OR2J2: variants seen among roughly 807,000 people sequenced by gnomAD.
The protein encoded by OR2J2 is olfactory receptor 2J2.
In OR2J2, 13 loss-of-function variants were observed where a neutral mutation model predicts 16.9. The observed-to-expected ratio is 0.77, with a 90% confidence interval of 0.50 to 1.23. The LOEUF (loss-of-function observed/expected upper bound fraction) is 1.23. OR2J2 is among the 50% of genes most tolerant of loss of function. The probability of loss-of-function intolerance (pLI) is 0.00; values close to 1 mark genes in which losing one functional copy is unlikely to be tolerated. For synonymous variants in OR2J2, 125 were observed against 141.2 expected, an observed-to-expected ratio of 0.89 and a Z score of 0.81; for missense variants, 341 against 379.1, an observed-to-expected ratio of 0.90 and a Z score of 0.84.
Position 29,174,474 on chromosome 6 carries a change from C to T in OR2J2, c.839C>T (p.Thr280Ile). Residue 280 changes from threonine (T) to isoleucine (I), a missense_variant, in exon 2 of 2, where the codon ACT becomes ATT. Physicochemically the swap from Thr to Ile is moderately conservative, Grantham distance 89. Coordinates refer to ENST00000641417, the MANE Select transcript of OR2J2 (RefSeq NM_030905.3). ...GGCAAGTTCATTGCCCTCTTTTATA[C>T]TGTTGTCACACCGAGTCTTAATCCT... ...DQGKFIALFY[T>I]VVTPSLNPLI... 1.2e-6 allele frequency: 2 copies of T among 1,613,980 alleles called. No homozygotes were observed. Among genetic ancestry groups the T allele is most frequent in the African/African-American group, 2.7e-5 (2 of 75,022 alleles).
intron 1 of OR2J2, 120 bp downstream of exon 1, chr6:29,171,225 T>C (rs1765467125): frequency 6.6e-6 from 1 of 152,100 alleles, no homozygotes; most frequent in South Asian, 2.1e-4. Flanking sequence ...TGTGGGGTGA[T>C]GGATATGTTA....
rs1434785281 is a variant in OR2J2, at chr6:29,174,564, G to C, written c.929G>C (p.Trp310Ser). 2 of 1,599,250 alleles carry C rather than the reference G, an allele frequency of 1.3e-6. No individual in the cohort carries two copies. The highest frequency in any genetic ancestry group is 1.7e-6 in the Non-Finnish European group (2 of 1,172,738). ...GAAKRLLGWEWGK is the reference protein window; with the variant it reads ...GAAKRLLGWESGK ...GCGAAGAGACTATTGGGGTGGGAGT[G>C]GGGGAAGTGACAGGGAAATCATGTT... Residue 310 changes from tryptophan to serine, a missense_variant, in exon 2 of 2, where the codon TGG becomes TCG. Physicochemically the swap from Trp to Ser is radical, Grantham distance 177. Coordinates refer to ENST00000641417, the MANE Select transcript of OR2J2 (RefSeq NM_030905.3).
rs1449611570 is a variant in OR2J2 at position 29,173,819 on chromosome 6, T to C, written c.184T>C (p.Phe62Leu). The C allele has an allele frequency of 1.3e-5, 21 of 1,613,378 alleles. No individual in the cohort carries two copies. Among genetic ancestry groups the C allele is most frequent in the Non-Finnish European group, 1.8e-5 (21 of 1,179,856 alleles). ...CTCCCATCTCCACACACCAATGTAC[T>C]TCTTCCTTTCAAACCTCTCATTTCT... is the stretch of plus-strand genomic sequence containing the variant. Reference protein sequence around the residue: ...VDSHLHTPMYFFLSNLSFLDL... With the variant: ...VDSHLHTPMYLFLSNLSFLDL... The change falls in exon 2 of 2, where the codon TTC (phenylalanine) becomes CTC (leucine). Residue 62 changes from phenylalanine to leucine, a missense_variant. Coordinates refer to ENST00000641417, the MANE Select transcript of OR2J2 (RefSeq NM_030905.3).
In OR2J2 at chr6:29,174,084, G is replaced by C. The variant is rs775266353; in HGVS notation, c.449G>C (p.Trp150Ser). Residue 150 changes from tryptophan to serine, a missense_variant, in exon 2 of 2, where the codon TGG becomes TCG. Transcript: ENST00000641417. Reference sequence around the variant, plus strand: ...TGCCACTTGTTGGTTGCGGCTTCTTGGGTAATTGGTTTTACTATCTCAGCA... The same window carrying C: ...TGCCACTTGTTGGTTGCGGCTTCTTCGGTAATTGGTTTTACTATCTCAGCA... ...RFCHLLVAAS[W>S]VIGFTISALH... 6 of 1,613,186 alleles carry C rather than the reference G, an allele frequency of 3.7e-6. No homozygotes were observed. In the Admixed American group the frequency reaches 1.0e-4, roughly 27 times the overall value.
At chr6:29,171,136 T>G (rs1403260700) in intron 1 of OR2J2, 31 bp downstream of exon 1, 3 of 152,122 alleles carry the variant, frequency 2.0e-5, no homozygotes, top group African/African-American at 7.2e-5. Flanking sequence ...GTGCACTTCT[T>G]AAGGGGTAGA....
intron 1 of OR2J2, among the ~76,000 whole-genome samples, chr6:29,172,213 T>C (rs1213804835): frequency 4.6e-5 from 7 of 152,044 alleles, no homozygotes; most frequent in Non-Finnish European, 1.0e-4. Context: ...CTACCATGCC[T>C]GCCTGGCTAA....
chr6:29,174,609 C>G lies in OR2J2; in HGVS notation c.*35C>G, dbSNP rs745385720. ...CATGTTGTCTGTTGTCATTGTTTTT[C>G]CTAGGGTCTTAGCCATCTTGAAAGG... is the stretch of plus-strand genomic sequence containing the variant. On this transcript the variant is annotated 3_prime_UTR_variant, in exon 2 of 2. Coordinates refer to ENST00000641417, the MANE Select transcript of OR2J2 (RefSeq NM_030905.3). The G allele has an allele frequency of 1.3e-6, 2 of 1,523,902 alleles. No homozygotes were observed. Among genetic ancestry groups the G allele is most frequent in the Non-Finnish European group, 1.8e-6 (2 of 1,130,278 alleles). The allele number at this position is 1,523,902 out of a possible 1,614,324, so 94.4% of individuals were successfully genotyped here. A position where few individuals can be genotyped will look rare whatever the true frequency, so the allele number is the denominator to read the frequency against.
chr6:29,174,087 T>A lies in OR2J2; in HGVS notation c.452T>A (p.Val151Glu), dbSNP rs1765668961. The change falls in exon 2 of 2, where the codon GTA becomes GAA. Residue 151 changes from valine (V) to glutamate (E), a missense_variant. Transcript: ENST00000641417. ...CACTTGTTGGTTGCGGCTTCTTGGGTAATTGGTTTTACTATCTCAGCACTT... is the reference window on the plus strand; with the variant it reads ...CACTTGTTGGTTGCGGCTTCTTGGGAAATTGGTTTTACTATCTCAGCACTT... The part of the protein sequence containing the change: ...FCHLLVAASW[V>E]IGFTISALHS... 1.2e-6 allele frequency: 2 copies of A among 1,613,356 alleles called. No homozygotes were observed. Among genetic ancestry groups the A allele is most frequent in the East Asian group, 4.5e-5 (2 of 44,830 alleles).
chr6:29,174,859 G>C lies in OR2J2; in HGVS notation c.*285G>C, dbSNP rs540494825. 1 of 341,352 alleles carries C rather than the reference G, an allele frequency of 2.9e-6. No individual in the cohort carries two copies. Among genetic ancestry groups the C allele is most frequent in the African/African-American group, 2.1e-5 (1 of 47,236 alleles). 21.1% of individuals were successfully genotyped at this position (341,352 alleles called of 1,614,324 possible). A position where few individuals can be genotyped will look rare whatever the true frequency, so the allele number is the denominator to read the frequency against. ...AATAAATGTGCATGCGAATAGTTATGAGGAGATTATTTCAAAAATGTTGGG... is the reference window on the plus strand; with the variant it reads ...AATAAATGTGCATGCGAATAGTTATCAGGAGATTATTTCAAAAATGTTGGG... On this transcript the variant is annotated 3_prime_UTR_variant, in exon 2 of 2. Coordinates refer to ENST00000641417, the MANE Select transcript of OR2J2 (RefSeq NM_030905.3).
chr6:29,173,695 T>C lies in OR2J2; in HGVS notation c.60T>C (p.Asn20=). ...EDFFILLGFS[N]WPQLEVVLFV... is the part of the protein sequence containing the mutation. ...TCTTTATTCTACTTGGATTTTCTAA[T>C]TGGCCTCAGCTGGAAGTAGTTCTCT... is the stretch of plus-strand genomic sequence containing the variant. The change falls in exon 2 of 2, where the codon AAT becomes AAC. Residue 20 remains asparagine, a synonymous_variant. Transcript: ENST00000641417. The C allele has an allele frequency of 6.2e-7, 1 of 1,613,132 alleles. No individual in the cohort carries two copies. The highest frequency in any genetic ancestry group is 8.5e-7 in the Non-Finnish European group (1 of 1,179,784).
Position 29,173,868 on chromosome 6 carries a change from C to T in OR2J2, c.233C>T (p.Ser78Phe). 1 of 1,612,556 alleles carries T rather than the reference C, an allele frequency of 6.2e-7. No individual in the cohort carries two copies. Among genetic ancestry groups the T allele is most frequent in the Non-Finnish European group, 8.5e-7 (1 of 1,179,680 alleles). Reference protein sequence around the residue: ...SFLDLCYTTSSIPQLLVNLRG... With the variant: ...SFLDLCYTTSFIPQLLVNLRG... The stretch of plus-strand genomic sequence containing the variant: ...CTGGATCTCTGCTACACCACCAGCT[C>T]TATCCCTCAGTTGCTGGTGAATCTC... Residue 78 changes from serine to phenylalanine, a missense_variant, in exon 2 of 2, where the codon TCT becomes TTT. By Grantham distance (155) the Ser-to-Phe change is radical. Coordinates refer to ENST00000641417, the MANE Select transcript of OR2J2 (RefSeq NM_030905.3).
chr6:29,175,130 C>A lies in OR2J2; in HGVS notation c.*556C>A, dbSNP rs1765776295. 6.6e-6 allele frequency: 1 copy of A among 152,224 alleles called. No homozygotes were observed. The highest frequency in any genetic ancestry group is 2.1e-4 in the South Asian group (1 of 4,822). The allele number at this position is 152,224 out of a possible 1,614,324, so 9.4% of individuals were successfully genotyped here. A position where few individuals can be genotyped will look rare whatever the true frequency, so the allele number is the denominator to read the frequency against. ...AAAGACACTAAATTATCTAATTTAT[C>A]CTGTAGGTCTACATACTTGTCACAT... On this transcript the variant is annotated 3_prime_UTR_variant, in exon 2 of 2. Transcript: ENST00000641417.
rs189491464 is a variant in OR2J2, at chr6:29,173,917, G to A, written c.282G>A (p.Ser94=). 311 of 1,611,506 alleles carry A rather than the reference G, an allele frequency of 1.9e-4. 1 individual carries two copies. The South Asian group carries it at 3.0e-3, about 15-fold the overall frequency. Residue 94 remains serine, a synonymous_variant, in exon 2 of 2, where the codon TCG becomes TCA. Transcript: ENST00000641417. The part of the protein sequence containing the change: ...VNLRGPEKTI[S]YAGCMVQLYF... The stretch of plus-strand genomic sequence containing the variant: ...TCCGGGGCCCGGAAAAGACCATCTC[G>A]TATGCTGGTTGCATGGTTCAACTTT...
Position 29,174,739 on chromosome 6 carries a change from T to C in OR2J2, c.*165T>C. 1.9e-6 allele frequency: 1 copy of C among 525,536 alleles called. No individual in the cohort carries two copies. The highest frequency in any genetic ancestry group is 3.2e-6 in the Non-Finnish European group (1 of 309,478). 32.6% of individuals were successfully genotyped at this position (525,536 alleles called of 1,614,324 possible). A position where few individuals can be genotyped will look rare whatever the true frequency, so the allele number is the denominator to read the frequency against. On this transcript the variant is annotated 3_prime_UTR_variant, in exon 2 of 2. Transcript: ENST00000641417. The stretch of plus-strand genomic sequence containing the variant: ...CTTTTTATTATTTAGTTCTGAAATA[T>C]TATGTTGAGATAAAGTTTCTGATTA...
Position 29,174,069 on chromosome 6 carries a change from TG to T in OR2J2, c.436del (p.Val146LeufsTer6). 6.2e-7 allele frequency: 1 copy of T among 1,613,650 alleles called. No homozygotes were observed. The highest frequency in any genetic ancestry group is 8.5e-7 in the Non-Finnish European group (1 of 1,179,906). On this transcript the variant is annotated frameshift_variant, in exon 2 of 2. Coordinates refer to ENST00000641417, the MANE Select transcript of OR2J2 (RefSeq NM_030905.3). LOFTEE classifies it high-confidence loss of function. ...ATGCACCCTCGTTTCTGCCACTTGT[TG>T]GTTGCGGCTTCTTGGGTAATTGGTT... is the stretch of plus-strand genomic sequence containing the variant. Reference protein sequence around the residue: ...VLMHPRFCHLLVAASWVIGFT... With the variant: ...VLMHPRFCHLXVAASWVIGFT...
Position 29,172,061 on chromosome 6 carries a change from T to C in OR2J2, c.-18+956T>C, listed in dbSNP as rs116253827. On this transcript the variant is annotated intron_variant, in intron 1 of 1. Coordinates refer to ENST00000641417, the MANE Select transcript of OR2J2 (RefSeq NM_030905.3). ...ACTGAAGGTGAGTCGGGTGTAGATA[T>C]TAGTTTTTTGAGACAGAGTCTTGCT... Among the ~76,000 whole-genome samples the C allele has an allele frequency of 6.1e-3, 923 of 152,020 alleles. 9 individuals are homozygous for C. The highest frequency in any genetic ancestry group is 0.01 in the Non-Finnish European group (696 of 67,998).
rs755031903 is a variant in OR2J2 at position 29,174,063 on chromosome 6, A to G, written c.428A>G (p.His143Arg). The change falls in exon 2 of 2, where the codon CAC becomes CGC. Residue 143 changes from histidine to arginine, a missense_variant. By Grantham distance (29) the His-to-Arg change is conservative. Transcript: ENST00000641417. ...GTCCTCATGCACCCTCGTTTCTGCC[A>G]CTTGTTGGTTGCGGCTTCTTGGGTA... ...YTVLMHPRFC[H>R]LLVAASWVIG... 10 of 1,613,134 alleles carry G rather than the reference A, an allele frequency of 6.2e-6. No homozygotes were observed. The highest frequency in any genetic ancestry group is 7.6e-6 in the Non-Finnish European group (9 of 1,179,850).
chr6:29,172,958 T>C (rs1373357318), intron 1 of OR2J2, among the ~76,000 whole-genome samples: 4 of 152,178 alleles, frequency 2.6e-5, no homozygotes, highest in South Asian at 2.1e-4. Context: ...TCCAGTAATA[T>C]AGTCTCATTT....
intron 1 of OR2J2, among the ~76,000 whole-genome samples, chr6:29,172,856 T>G (rs1427722376): frequency 6.6e-6 from 1 of 152,178 alleles, no homozygotes; most frequent in Admixed American, 6.6e-5. Flanking sequence ...GCATACCACA[T>G]TCAGACCTCT....
Sources: gnomAD v4.1 joint callset for allele counts (sites outside exome capture counted in the v4.1 genomes callset) on GRCh38, gnomAD v4.1.1 for gene constraint, MANE v1.5 for transcripts, NCBI Gene and HGNC (gene_info 2026-07-23, HGNC 2026-07-21) for gene names.